BCAR1: variants seen among roughly 807,000 people sequenced by gnomAD.
BCAR1 encodes BCAR1 scaffold protein, Cas family member.
Under a neutral mutation model 67.6 loss-of-function variants are expected in BCAR1, and 30 were observed. The observed-to-expected ratio is 0.44, with a 90% CI of 0.33 to 0.60. The LOEUF is 0.60. Among genes scored for constraint, BCAR1 ranks in the 20% least tolerant of loss-of-function variants. The pLI is 0.02. For synonymous variants in BCAR1, 626 were observed against 556.7 expected, an observed-to-expected ratio of 1.12 and a Z score of -1.75; for missense variants, 1,313 against 1,222.3, an observed-to-expected ratio of 1.07 and a Z score of -1.11.
rs370978613 is a variant in BCAR1, at chr16:75,232,135, C to T, written c.2100+1711G>A. Among the ~76,000 whole-genome samples the T allele has an allele frequency of 5.3e-5, 8 of 151,328 alleles. No homozygotes were observed. The East Asian group carries it at 9.8e-4, about 18-fold the overall frequency. ...CCGACCTCAGGTGATCCGCCCGCCT[C>T]GGCACCCAGGAGGTTTTTAAAACAA... On this transcript the variant is annotated intron_variant, in intron 6 of 6. Coordinates refer to ENST00000162330, the MANE Select transcript of BCAR1 (RefSeq NM_014567.5).
In BCAR1 at chr16:75,229,190, G is replaced by A. The variant is rs1252116589; in HGVS notation, c.*321C>T. On this transcript the variant is annotated 3_prime_UTR_variant, in exon 7 of 7. Transcript: ENST00000162330. Reference sequence around the variant, plus strand: ...GGGACACGGCACCCTCGTGGGACCAGGCTCAGCCCTCGGGGTGGCACGAGG... The same window carrying A: ...GGGACACGGCACCCTCGTGGGACCAAGCTCAGCCCTCGGGGTGGCACGAGG... 1 of 308,338 alleles carries A rather than the reference G, an allele frequency of 3.2e-6. No homozygotes were observed. The highest frequency in any genetic ancestry group is 6.0e-6 in the Non-Finnish European group (1 of 167,708). 19.1% of individuals were successfully genotyped at this position (308,338 alleles called of 1,614,324 possible).
At position 75,242,563 on chromosome 16, in the gene BCAR1, C is replaced by G. The variant is rs1262769487; in HGVS notation, c.540G>C (p.Gln180His). 5.4e-6 allele frequency: 8 copies of G among 1,491,622 alleles called. No homozygotes were observed. Among genetic ancestry groups the G allele is most frequent in the Non-Finnish European group, 8.9e-7 (1 of 1,121,068 alleles). The allele number at this position is 1,491,622 out of a possible 1,614,324, so 92.4% of individuals were successfully genotyped here. A position where few individuals can be genotyped will look rare whatever the true frequency, so the allele number is the denominator to read the frequency against. The change falls in exon 2 of 7, where the codon CAG becomes CAC. Residue 180 changes from glutamine to histidine, a missense_variant. Transcript: ENST00000162330. ...GCCCCATCCCGGCAGAAGGTGGCAC[C>G]TGGTAAATATCCTGGGCAGGGCCTC... ...GPGGPAQDIY[Q>H]VPPSAGMGHD...
At chr16:75,230,789 T>A (rs551943507) in intron 6 of BCAR1, among the ~76,000 whole-genome samples, 1 of 152,302 alleles carries the variant, frequency 6.6e-6, no homozygotes, top group African/African-American at 2.4e-5. Flanking sequence ...TTCCTAACAC[T>A]TAGAACCTCG....
chr16:75,262,568 C>T (rs985920064), intron 1 of BCAR1, among the ~76,000 whole-genome samples: 11 of 152,106 alleles, frequency 7.2e-5, no homozygotes, highest in Middle Eastern at 3.2e-3. Flanking sequence ...GCCTGAGCTG[C>T]GGACTTTGAA....
intron 1 of BCAR1, chr16:75,263,371 G>A: frequency 2.0e-6 from 2 of 985,456 alleles, no homozygotes; most frequent in Non-Finnish European, 2.4e-6. Context: ...GCTGCAGGAA[G>A]AGTCAGGCCC....
chr16:75,241,527 G>A (rs1013695933), intron 2 of BCAR1, among the ~76,000 whole-genome samples: 12 of 152,158 alleles, frequency 7.9e-5, no homozygotes, highest in African/African-American at 2.7e-4. Context: ...GGCACCCCAC[G>A]CCAGCCAGGC....
intron 1 of BCAR1, among the ~76,000 whole-genome samples, chr16:75,257,841 T>C (rs1421833064): frequency 6.6e-6 from 1 of 152,136 alleles, no homozygotes; most frequent in Non-Finnish European, 1.5e-5. Flanking sequence ...GGCCTATAGA[T>C]AAAGGCTCCT....
In BCAR1 at chr16:75,235,456, T is replaced by C. The variant is rs749546698; in HGVS notation, c.1443A>G (p.Ala481=). The stretch of plus-strand genomic sequence containing the variant: ...AGCTCCCAGTCGCACCGGCGCTGCC[T>C]GCCAGGTCCAGAAGGTGGGCAACGG... The part of the protein sequence containing the change: ...SATVAHLLDL[A]GSAGATGSWR... The change falls in exon 5 of 7, where the codon GCA becomes GCG. Residue 481 remains alanine (A), a synonymous_variant. Coordinates refer to ENST00000162330, the MANE Select transcript of BCAR1 (RefSeq NM_014567.5). 6.2e-7 allele frequency: 1 copy of C among 1,607,618 alleles called. No individual in the cohort carries two copies. Among genetic ancestry groups the C allele is most frequent in the Admixed American group, 1.7e-5 (1 of 59,466 alleles).
Position 75,242,461 on chromosome 16 carries a change from C to T in BCAR1, c.633+9G>A. On this transcript the variant is annotated intron_variant, in intron 2 of 6. Transcript: ENST00000162330. ...GTGTGGCTGCACAACTGTGCCAGGA[C>T]AGCCTTACCTTTGCCGGGGGCTTCG... 1.4e-6 allele frequency: 2 copies of T among 1,438,794 alleles called. No homozygotes were observed. The highest frequency in any genetic ancestry group is 2.7e-5 in the Admixed American group (1 of 37,404). 89.1% of individuals were successfully genotyped at this position (1,438,794 alleles called of 1,614,324 possible).
intron 6 of BCAR1, among the ~76,000 whole-genome samples, chr16:75,233,629 TA>T (rs983506044): frequency 6.6e-6 from 1 of 152,162 alleles, no homozygotes; most frequent in Non-Finnish European, 1.5e-5. Context: ...TCTAATTCCC[TA>T]AATGTCTCCA....
intron 1 of BCAR1, 73 bp from the exon 2 acceptor site, chr16:75,243,163 C>A: frequency 2.0e-6 from 3 of 1,464,980 alleles, no homozygotes; most frequent in Non-Finnish European, 2.8e-6. Flanking sequence ...AGCTCCTGCC[C>A]TGCTCTGGGG....
chr16:75,232,696 C>G (rs1398879197), intron 6 of BCAR1, among the ~76,000 whole-genome samples: 2 of 152,192 alleles, frequency 1.3e-5, no homozygotes, highest in South Asian at 4.1e-4. Flanking sequence ...CCCCCTGCCA[C>G]CCTGCCACCG....
At chr16:75,236,035 C>A in intron 4 of BCAR1, 49 bp from the exon 5 acceptor site, 2 of 1,525,150 alleles carry the variant, frequency 1.3e-6, no homozygotes, top group African/African-American at 1.4e-5. Context: ...ATCTGCCCAC[C>A]CCAGGGACTG....
intron 1 of BCAR1, among the ~76,000 whole-genome samples, chr16:75,259,236 G>A (rs1356475757): frequency 6.6e-6 from 1 of 152,248 alleles, no homozygotes; most frequent in East Asian, 1.9e-4. Flanking sequence ...TGGGAGCACA[G>A]ATCTCTAGGC....
intron 1 of BCAR1, among the ~76,000 whole-genome samples, chr16:75,257,086 G>A (rs2077795546): frequency 2.0e-5 from 3 of 152,262 alleles, no homozygotes; most frequent in African/African-American, 4.8e-5. Flanking sequence ...CTCTGTCCTC[G>A]TCCTCAGAGA....
intron 1 of BCAR1, chr16:75,246,837 T>C (rs2151450329): frequency 6.6e-6 from 1 of 152,420 alleles, no homozygotes; most frequent in East Asian, 1.9e-4. Flanking sequence ...CCCGCACTGC[T>C]GGGCCTAGGG....
intron 1 of BCAR1, chr16:75,265,798 C>T (rs1304041180): frequency 1.7e-6 from 2 of 1,195,872 alleles, no homozygotes; most frequent in African/African-American, 3.2e-5. Flanking sequence ...ACAGCCGGCC[C>T]GGGGTCCCGG....
intron 5 of BCAR1, 127 bp from the exon 6 acceptor site, chr16:75,234,062 C>T (rs2077000991): frequency 1.3e-6 from 1 of 783,858 alleles, no homozygotes; most frequent in Non-Finnish European, 2.1e-6. Context: ...CACACACACG[C>T]ACACGTGGAC....
At position 75,242,718 on chromosome 16, in the gene BCAR1, G is replaced by C. The variant is rs2077389320; in HGVS notation, c.385C>G (p.Gln129Glu). 1 of 1,566,404 alleles carries C rather than the reference G, an allele frequency of 6.4e-7. No homozygotes were observed. Among genetic ancestry groups the C allele is most frequent in the Admixed American group, 1.9e-5 (1 of 53,424 alleles). ...AACTGAGGGCTGGGACCCGGGACTT[G>C]GTAGAGGCCTTGCTGAGCCTTGCTG... Reference protein sequence around the residue: ...TPSKAQQGLYQVPGPSPQFQS... With the variant: ...TPSKAQQGLYEVPGPSPQFQS... The change falls in exon 2 of 7, where the codon CAA (glutamine) becomes GAA (glutamate). Residue 129 changes from glutamine to glutamate, a missense_variant. Physicochemically the swap from Gln to Glu is conservative, Grantham distance 29. Around this residue, in one of 2 missense-constraint regions of BCAR1, gnomAD observed 1,272 missense variants for 1,137.5 expected, o/e 1.12. Transcript: ENST00000162330.
Sources: allele counts gnomAD v4.1 joint callset (sites outside exome capture counted in the v4.1 genomes callset), GRCh38; gene constraint gnomAD v4.1.1; regional missense constraint gnomAD v4.1.1; transcripts MANE v1.5; gene names NCBI Gene and HGNC (gene_info 2026-07-23, HGNC 2026-07-21).